Variants in TCF4 observed in about 807,000 individuals in gnomAD.
TCF4 encodes transcription factor 4, also known as SL3-3 enhancer factor 2.
TCF4 carries 3 observed loss-of-function variants against 82.1 expected under a neutral mutation model. The ratio of observed to expected loss-of-function variants is 0.04; its 90% CI spans 0.02 to 0.09. TCF4 has a LOEUF of 0.09. TCF4 is among the 10% of genes least tolerant of loss of function. The pLI is 1.00. For synonymous variants in TCF4, 276 were observed against 309.6 expected (o/e 0.89, Z 1.14); for missense variants, 518 against 852.7 (o/e 0.61, Z 4.89).
chr18:55,530,562 G>GGT (rs1555729286), intron 3 of TCF4, among the ~76,000 whole-genome samples: 2 of 24,708 alleles, frequency 8.1e-5, no homozygotes, highest in East Asian at 0.014. Context: ...GCCCTGAAAA[G>GGT]GGGGGGGGAA....
At chr18:55,236,825 T>A (rs933377570) in intron 15 of TCF4, among the ~76,000 whole-genome samples, 1 of 152,230 alleles carries the variant, frequency 6.6e-6, no homozygotes, top group African/African-American at 2.4e-5. Context: ...GTATTCCCAA[T>A]GGATCTAATT....
chr18:55,391,267 G>A (rs1005688496), intron 6 of TCF4, among the ~76,000 whole-genome samples: 14 of 152,304 alleles, frequency 9.2e-5, no homozygotes, highest in African/African-American at 3.4e-4. Context: ...TCCCAGGGAT[G>A]GGACTTCAAA....
At chr18:55,562,603 G>A (rs1413822139) in intron 3 of TCF4, among the ~76,000 whole-genome samples, 2 of 152,086 alleles carry the variant, frequency 1.3e-5, no homozygotes, top group Non-Finnish European at 2.9e-5. Context: ...TGTACCCTCT[G>A]GCCTTTGGTT....
intron 13 of TCF4, among the ~76,000 whole-genome samples, chr18:55,258,751 T>A (rs2057410996): frequency 6.6e-6 from 1 of 152,328 alleles, no homozygotes; most frequent in Middle Eastern, 3.4e-3. Context: ...CCTTGTTGTA[T>A]CTCTTGTTGT....
intron 3 of TCF4, among the ~76,000 whole-genome samples, chr18:55,561,702 G>A (rs1026440638): frequency 7.2e-5 from 11 of 152,096 alleles, no homozygotes; most frequent in African/African-American, 2.7e-4. Flanking sequence ...TTTTTAGATA[G>A]CTTGTCTGTT....
intron 3 of TCF4, among the ~76,000 whole-genome samples, chr18:55,519,308 C>T (rs988404915): frequency 1.3e-5 from 2 of 152,046 alleles, no homozygotes; most frequent in Non-Finnish European, 2.9e-5. Context: ...GTGGCCCACA[C>T]CTGTATTCCC....
chr18:55,510,563 T>G lies in TCF4; in HGVS notation c.146-46426A>C, dbSNP rs534652040. On this transcript the variant is annotated intron_variant, in intron 3 of 19. Transcript: ENST00000354452. ...CAAGAGTAAGCTTTTAAAATACAAG[T>G]TACATAAATATTTACCTCTGCTGTC... 1.1e-5 allele frequency: 17 copies of G among 1,478,936 alleles called. 1 individual carries two copies. The South Asian group carries it at 2.1e-4, about 18-fold the overall frequency. 91.6% of individuals were successfully genotyped at this position (1,478,936 alleles called of 1,614,324 possible). A position where few individuals can be genotyped will look rare whatever the true frequency, so the allele number is the denominator to read the frequency against.
intron 8 of TCF4, among the ~76,000 whole-genome samples, chr18:55,286,520 A>G (rs73960222): frequency 0.032 from 4,940 of 152,250 alleles, 261 homozygotes; most frequent in African/African-American, 0.11. Flanking sequence ...TCTCCTTCCT[A>G]AAGTCTTTCC....
intron 3 of TCF4, among the ~76,000 whole-genome samples, chr18:55,475,362 G>C (rs2145336751): frequency 6.6e-6 from 1 of 152,258 alleles, no homozygotes; most frequent in South Asian, 2.1e-4. Flanking sequence ...ATAGTGGTCT[G>C]GTGTCCTTCC....
chr18:55,349,324 G>A (rs750730351), intron 8 of TCF4, among the ~76,000 whole-genome samples: 4 of 151,988 alleles, frequency 2.6e-5, no homozygotes, highest in Non-Finnish European at 5.9e-5. Context: ...CAAATACACA[G>A]GTGTTTGGGT....
chr18:55,624,708 C>A (rs1223369838), intron 2 of TCF4, among the ~76,000 whole-genome samples: 1 of 152,140 alleles, frequency 6.6e-6, no homozygotes, highest in Admixed American at 6.5e-5. Flanking sequence ...TGAAAACAAA[C>A]CAACCCTTTC....
At chr18:55,547,787 G>A (rs559086040) in intron 3 of TCF4, among the ~76,000 whole-genome samples, 1 of 152,234 alleles carries the variant, frequency 6.6e-6, no homozygotes, top group African/African-American at 2.4e-5. Flanking sequence ...TGCTGCTCTG[G>A]TCTCAGGCCT....
intron 5 of TCF4, among the ~76,000 whole-genome samples, chr18:55,448,572 C>A (rs1042852540): frequency 2.0e-5 from 3 of 152,218 alleles, no homozygotes; most frequent in Admixed American, 1.3e-4. Flanking sequence ...TGCATTTCCA[C>A]AACCACATTC....
chr18:55,330,589 C>T (rs144597668), intron 8 of TCF4, among the ~76,000 whole-genome samples: 81 of 148,584 alleles, frequency 5.5e-4, no homozygotes, highest in African/African-American at 1.8e-3. Flanking sequence ...TTTTTTGAGA[C>T]GGAGTCTCGC....
chr18:55,381,911 T>G (rs1318496985), intron 6 of TCF4, among the ~76,000 whole-genome samples: 3 of 122,408 alleles, frequency 2.5e-5, no homozygotes, highest in Non-Finnish European at 5.1e-5. Flanking sequence ...TCTAGAAGGG[T>G]TTTTTTTTTT....
intron 3 of TCF4, among the ~76,000 whole-genome samples, chr18:55,560,569 T>C (rs928265828): frequency 2.0e-5 from 3 of 152,322 alleles, no homozygotes; most frequent in East Asian, 1.9e-4. Flanking sequence ...AGAAGGCTTC[T>C]CTGATCATGC....
At chr18:55,460,716 T>G (rs1312373262) in intron 5 of TCF4, among the ~76,000 whole-genome samples, 1 of 152,178 alleles carries the variant, frequency 6.6e-6, no homozygotes, top group Non-Finnish European at 1.5e-5. Context: ...TACCTTAACT[T>G]AGGAAACTAC....
chr18:55,550,795 C>A (rs754828522), intron 3 of TCF4: 8 of 152,066 alleles, frequency 5.3e-5, no homozygotes, highest in African/African-American at 9.7e-5. Context: ...TACGCCCAAC[C>A]TTCTAAAATA....
chr18:55,322,263 C>G, intron 8 of TCF4: 1 of 1,055,950 alleles, frequency 9.5e-7, no homozygotes, highest in African/African-American at 1.7e-5. Flanking sequence ...CCCTCTCTTT[C>G]TTTTTTGTTT....
Sources: allele counts gnomAD v4.1 joint callset (sites outside exome capture counted in the v4.1 genomes callset), GRCh38; gene constraint gnomAD v4.1.1; transcripts MANE v1.5; gene names NCBI Gene and HGNC (gene_info 2026-07-23, HGNC 2026-07-21).